The following ANO10 variants were observed in gnomAD, a reference collection of about 807,000 sequenced individuals.
ANO10 encodes anoctamin-10.
A neutral mutation model predicts 74.7 loss-of-function variants in ANO10; 77 were observed. That is an observed-to-expected ratio of 1.03 (90% CI 0.86 to 1.25). ANO10 has a LOEUF of 1.25. Among genes scored for constraint, ANO10 ranks in the 50% most tolerant of loss-of-function variants. The pLI is 0.00. For missense variants in ANO10, 721 were observed against 778.1 expected (o/e 0.93, Z 0.87); for synonymous variants, 279 against 284.9 (o/e 0.98, Z 0.21).
chr3:43,528,774 C>G (rs1264896954), intron 11 of ANO10, among the ~76,000 whole-genome samples: 1 of 152,070 alleles, frequency 6.6e-6, no homozygotes, highest in Non-Finnish European at 1.5e-5. Flanking sequence ...GCCTGGGCAA[C>G]ATGGCAAAAC....
intron 11 of ANO10, among the ~76,000 whole-genome samples, chr3:43,515,413 C>G (rs905605120): frequency 1.3e-5 from 2 of 152,210 alleles, no homozygotes; most frequent in South Asian, 4.1e-4. Flanking sequence ...ATGGGCTCTC[C>G]TGGTTCTTGG....
intron 12 of ANO10, among the ~76,000 whole-genome samples, chr3:43,383,783 A>T (rs1347589998): frequency 2.6e-5 from 4 of 152,238 alleles, no homozygotes; most frequent in Admixed American, 2.6e-4. Context: ...ACCCTAAGGT[A>T]ATAAAAGCCA....
At chr3:43,560,535 G>A (rs1473702366) in intron 9 of ANO10, among the ~76,000 whole-genome samples, 1 of 152,124 alleles carries the variant, frequency 6.6e-6, no homozygotes, top group East Asian at 1.9e-4. Context: ...TCACCAGAAA[G>A]AATACTGTAG....
At chr3:43,498,361 C>G (rs185371311) in intron 11 of ANO10, among the ~76,000 whole-genome samples, 1 of 152,302 alleles carries the variant, frequency 6.6e-6, no homozygotes, top group East Asian at 1.9e-4. Context: ...CCCTCCACCC[C>G]TGCAAAATCC....
At chr3:43,463,293 AGCTGCTCTTGCATCATC>A (rs2075467114) in intron 11 of ANO10, among the ~76,000 whole-genome samples, 1 of 152,236 alleles carries the variant, frequency 6.6e-6, no homozygotes, top group Non-Finnish European at 1.5e-5. Flanking sequence ...ACAGGAGCAG[AGCTGCTCTTGCATCATC>A]GTTACCTGGA....
chr3:43,574,158 C>T (rs1183549328), intron 7 of ANO10, among the ~76,000 whole-genome samples: 3 of 151,838 alleles, frequency 2.0e-5, no homozygotes, highest in Admixed American at 2.0e-4. Flanking sequence ...TTTCACTGTG[C>T]TAGCCAGGCT....
At chr3:43,682,501 A>G (rs2084215030) in intron 1 of ANO10, among the ~76,000 whole-genome samples, 1 of 152,204 alleles carries the variant, frequency 6.6e-6, no homozygotes, top group Non-Finnish European at 1.5e-5. Context: ...TACCAGAGGT[A>G]CAAGGAGGAA....
At chr3:43,564,775 A>G (rs2080227282) in intron 8 of ANO10, among the ~76,000 whole-genome samples, 1 of 152,142 alleles carries the variant, frequency 6.6e-6, no homozygotes. Context: ...AGATGTATCA[A>G]TCTCCACTTT....
chr3:43,370,431 C>T (rs2091567604), intron 12 of ANO10, among the ~76,000 whole-genome samples: 1 of 152,124 alleles, frequency 6.6e-6, no homozygotes, highest in Non-Finnish European at 1.5e-5. Flanking sequence ...AGGGGTGAAA[C>T]AGATTTCTCC....
chr3:43,499,659 A>G (rs2077030801), intron 11 of ANO10, among the ~76,000 whole-genome samples: 1 of 152,020 alleles, frequency 6.6e-6, no homozygotes, highest in African/African-American at 2.4e-5. Context: ...ATATACCACC[A>G]AGAAAAAAAA....
chr3:43,635,615 C>A (rs1477826283), intron 1 of ANO10, among the ~76,000 whole-genome samples: 1 of 150,272 alleles, frequency 6.7e-6, no homozygotes, highest in African/African-American at 2.4e-5. Context: ...CTGGTAAGCT[C>A]TGATCTTTTT....
intron 4 of ANO10, among the ~76,000 whole-genome samples, chr3:43,594,796 A>G (rs1225250492): frequency 2.0e-5 from 3 of 152,140 alleles, no homozygotes; most frequent in South Asian, 2.1e-4. Context: ...GACACAAAAA[A>G]CCCTTCAAAA....
At chr3:43,417,320 C>G (rs1240374711) in intron 12 of ANO10, among the ~76,000 whole-genome samples, 1 of 152,108 alleles carries the variant, frequency 6.6e-6, no homozygotes, top group Non-Finnish European at 1.5e-5. Flanking sequence ...ATGGCGCTGG[C>G]CAAGGGGAAA....
At chr3:43,470,507 C>T (rs2075807612) in intron 11 of ANO10, among the ~76,000 whole-genome samples, 1 of 152,210 alleles carries the variant, frequency 6.6e-6, no homozygotes, top group African/African-American at 2.4e-5. Context: ...GCGCGCCTGG[C>T]TAATTTTTTG....
intron 11 of ANO10, among the ~76,000 whole-genome samples, chr3:43,471,817 G>A (rs1347965608): frequency 6.6e-6 from 1 of 151,962 alleles, no homozygotes. Flanking sequence ...AACATCATAG[G>A]AAACAATCAA....
intron 12 of ANO10, among the ~76,000 whole-genome samples, chr3:43,393,978 G>C (rs2092328171): frequency 6.6e-6 from 1 of 152,136 alleles, no homozygotes; most frequent in Non-Finnish European, 1.5e-5. Context: ...TAGGAACTGA[G>C]CTAGGAGAGA....
At chr3:43,448,604 A>G (rs2093282941) in intron 11 of ANO10, among the ~76,000 whole-genome samples, 1 of 152,210 alleles carries the variant, frequency 6.6e-6, no homozygotes, top group African/African-American at 2.4e-5. Flanking sequence ...ACCGAAGGAC[A>G]TCTTGGTTGC....
At chr3:43,457,403 G>A (rs1304697049) in intron 11 of ANO10, among the ~76,000 whole-genome samples, 3 of 152,192 alleles carry the variant, frequency 2.0e-5, no homozygotes, top group African/African-American at 4.8e-5. Context: ...ACTTACAATC[G>A]TGGCAGAAGG....
intron 7 of ANO10, among the ~76,000 whole-genome samples, chr3:43,573,827 G>A (rs2080863245): frequency 6.6e-6 from 1 of 152,142 alleles, no homozygotes; most frequent in Admixed American, 6.5e-5. Flanking sequence ...TTTTTTTAAT[G>A]TAATATTCCA....
Sources: allele counts gnomAD v4.1 joint callset (sites outside exome capture counted in the v4.1 genomes callset), GRCh38; gene constraint gnomAD v4.1.1; transcripts MANE v1.5; gene names NCBI Gene and HGNC (gene_info 2026-07-23, HGNC 2026-07-21).